The following CILK1 variants were observed in gnomAD, a reference collection of about 807,000 sequenced individuals.
The protein encoded by CILK1 is ciliogenesis associated kinase 1.
Under a neutral mutation model 79.2 loss-of-function variants are expected in CILK1, and 47 were observed. The observed-to-expected ratio is 0.59, with a 90% confidence interval of 0.47 to 0.76. The LOEUF (loss-of-function observed/expected upper bound fraction) is 0.76. Ranked by LOEUF, CILK1 falls within the 30% of genes least tolerant of loss-of-function variation. The probability of loss-of-function intolerance (pLI) is 0.00; values close to 1 mark genes in which losing one functional copy is unlikely to be tolerated. For synonymous variants in CILK1, 266 were observed against 275.9 expected (o/e 0.96, Z 0.36); for missense variants, 660 against 769.5 (o/e 0.86, Z 1.68).
chr6:53,019,548 T>C (rs893188056), intron 5 of CILK1, among the ~76,000 whole-genome samples, 189 bp from the exon 6 acceptor site: 1 of 152,264 alleles, frequency 6.6e-6, no homozygotes, highest in Non-Finnish European at 1.5e-5. Context: ...CTACATTCAT[T>C]TCCCTTTGCA....
chr6:53,032,761 G>A, intron 3 of CILK1, 107 bp from the exon 4 acceptor site: 1 of 844,398 alleles, frequency 1.2e-6, no homozygotes, highest in South Asian at 1.6e-5. Flanking sequence ...ACTAATTTTA[G>A]AACCTCAGAA....
chr6:53,019,967 C>T (rs926928253), intron 5 of CILK1, among the ~76,000 whole-genome samples: 1 of 152,108 alleles, frequency 6.6e-6, no homozygotes, highest in East Asian at 1.9e-4. Context: ...CCACCATGCC[C>T]GGCCCAGATA....
chr6:53,039,823 C>T (rs561081931), intron 2 of CILK1, among the ~76,000 whole-genome samples: 8 of 152,150 alleles, frequency 5.3e-5, no homozygotes, highest in South Asian at 2.1e-4. Context: ...GCCCTAGTGG[C>T]GGAGGACCTC....
chr6:53,042,373 G>A (rs183335516), intron 1 of CILK1, among the ~76,000 whole-genome samples: 6 of 152,206 alleles, frequency 3.9e-5, no homozygotes, highest in East Asian at 1.9e-4. Flanking sequence ...TGAAAATTTC[G>A]CTAAATATAC....
chr6:53,029,843 TGAGAG>T (rs1214625088), intron 5 of CILK1, among the ~76,000 whole-genome samples: 9 of 152,356 alleles, frequency 5.9e-5, no homozygotes, highest in Non-Finnish European at 1.0e-4. Flanking sequence ...ATCCTTGGAC[TGAGAG>T]TAAATGGATT....
At chr6:53,032,338 A>T (rs1766022887) in intron 4 of CILK1, among the ~76,000 whole-genome samples, 195 bp downstream of exon 4, 1 of 152,108 alleles carries the variant, frequency 6.6e-6, no homozygotes, top group South Asian at 2.1e-4. Context: ...AGCATGGCAC[A>T]TGTATACATA....
At chr6:53,019,667 C>G (rs1348823858) in intron 5 of CILK1, among the ~76,000 whole-genome samples, 1 of 152,018 alleles carries the variant, frequency 6.6e-6, no homozygotes, top group Non-Finnish European at 1.5e-5. Context: ...TAAACTGTCA[C>G]TCAAGGGAAA....
chr6:53,024,547 G>A (rs961396363), intron 5 of CILK1, among the ~76,000 whole-genome samples: 3 of 152,214 alleles, frequency 2.0e-5, no homozygotes, highest in African/African-American at 7.2e-5. Flanking sequence ...TTAAGAATGT[G>A]TAAGGATACA....
intron 5 of CILK1, among the ~76,000 whole-genome samples, chr6:53,022,144 T>TA (rs923781768): frequency 6.6e-5 from 10 of 152,164 alleles, no homozygotes; most frequent in East Asian, 5.8e-4. Context: ...GTCAAAAAGT[T>TA]AAAAAAAGTA....
intron 2 of CILK1, 97 bp downstream of exon 2, chr6:53,041,039 C>T (rs1162321183): frequency 8.4e-6 from 7 of 830,688 alleles, no homozygotes; most frequent in Non-Finnish European, 2.1e-6. Context: ...AGGTTCTTCT[C>T]TAGGCATCCT....
At chr6:53,030,954 C>A (rs1389876775) in intron 5 of CILK1, 111 bp downstream of exon 5, 2 of 764,916 alleles carry the variant, frequency 2.6e-6, no homozygotes, top group East Asian at 2.6e-5. Flanking sequence ...CCTCTCAACT[C>A]TTCAACCTTT....
chr6:53,016,592 T>C (rs1196828141), intron 7 of CILK1, among the ~76,000 whole-genome samples: 1 of 152,216 alleles, frequency 6.6e-6, no homozygotes, highest in Non-Finnish European at 1.5e-5. Context: ...AAACTGCCAA[T>C]GAGATATTCT....
At chr6:53,031,509 T>A (rs916964285) in intron 4 of CILK1, among the ~76,000 whole-genome samples, 1 of 152,178 alleles carries the variant, frequency 6.6e-6, no homozygotes, top group African/African-American at 2.4e-5. Context: ...AAAGATGATA[T>A]TTGTTCATTC....
At chr6:53,060,411 G>C (rs1768341335) in intron 1 of CILK1, among the ~76,000 whole-genome samples, 1 of 152,174 alleles carries the variant, frequency 6.6e-6, no homozygotes, top group South Asian at 2.1e-4. Context: ...CCTCCCTGCT[G>C]CCTGGCCACC....
intron 5 of CILK1, among the ~76,000 whole-genome samples, chr6:53,027,090 CTT>C (rs1765627268): frequency 1.3e-5 from 2 of 152,150 alleles, no homozygotes; most frequent in African/African-American, 4.8e-5. Flanking sequence ...GCTGTGGAAA[CTT>C]TAATTTCCCA....
Position 53,003,754 on chromosome 6 carries a change from A to T in CILK1, c.*1395T>A, listed in dbSNP as rs990373526. 6.6e-6 allele frequency: 1 copy of T among 152,518 alleles called. No homozygotes were observed. The highest frequency in any genetic ancestry group is 2.4e-5 in the African/African-American group (1 of 41,422). 9.4% of individuals were successfully genotyped at this position (152,518 alleles called of 1,614,324 possible). On this transcript the variant is annotated 3_prime_UTR_variant, in exon 14 of 14. Coordinates refer to ENST00000676107, the MANE Select transcript of CILK1 (RefSeq NM_014920.5). ...AAATAAAAAATAAAAGATTACTTAC[A>T]TATGGTTCAATTTGTCATTATCCTG...
intron 13 of CILK1, 71 bp downstream of exon 13, chr6:53,006,244 G>C: frequency 6.8e-7 from 1 of 1,468,978 alleles, no homozygotes; most frequent in South Asian, 1.1e-5. Flanking sequence ...CCTAAAACAT[G>C]CCTGGCACAA....
chr6:53,041,908 C>CA (rs1554178049), intron 1 of CILK1, among the ~76,000 whole-genome samples: 1 of 148,922 alleles, frequency 6.7e-6, no homozygotes, highest in African/African-American at 2.5e-5. Flanking sequence ...ATTACCTTAC[C>CA]TTTTTTTTTT....
intron 1 of CILK1, among the ~76,000 whole-genome samples, chr6:53,051,434 G>A (rs1767475052): frequency 6.6e-6 from 1 of 152,206 alleles, no homozygotes; most frequent in Non-Finnish European, 1.5e-5. Flanking sequence ...CAAAGGTGCT[G>A]GCACTTCCTC....
Sources: gnomAD v4.1 joint callset for allele counts (sites outside exome capture counted in the v4.1 genomes callset) on GRCh38, gnomAD v4.1.1 for gene constraint, MANE v1.5 for transcripts, NCBI Gene and HGNC (gene_info 2026-07-23, HGNC 2026-07-21) for gene names.